Variants in TFEC observed in about 807,000 individuals in gnomAD.
TFEC encodes transcription factor EC.
Under a neutral mutation model 41.6 loss-of-function variants are expected in TFEC, and 31 were observed. The observed-to-expected ratio is 0.74, with a 90% CI of 0.56 to 1.01. The LOEUF (loss-of-function observed/expected upper bound fraction) is 1.01, where lower values mean the gene tolerates loss of function less well. Among genes scored for constraint, TFEC ranks in the 50% least tolerant of loss-of-function variants. TFEC has a pLI of 0.00. For synonymous variants in TFEC, 143 were observed against 140.6 expected (o/e 1.02, Z -0.12); for missense variants, 402 against 404.1 (o/e 0.99, Z 0.04).
At chr7:116,138,769 C>T (rs1346107689) in intron 1 of TFEC, among the ~76,000 whole-genome samples, 1 of 152,136 alleles carries the variant, frequency 6.6e-6, no homozygotes, top group Non-Finnish European at 1.5e-5. Context: ...ATAACATTTA[C>T]ACAAAATAGT....
chr7:116,047,950 A>G (rs1309491369), intron 3 of TFEC, among the ~76,000 whole-genome samples: 2 of 152,240 alleles, frequency 1.3e-5, no homozygotes, highest in Non-Finnish European at 2.9e-5. Flanking sequence ...AATAACAAAC[A>G]GAAAGGACAT....
intron 3 of TFEC, among the ~76,000 whole-genome samples, chr7:116,096,743 A>G (rs939686445): frequency 1.1e-4 from 17 of 152,192 alleles, no homozygotes; most frequent in Non-Finnish European, 2.1e-4. Flanking sequence ...AAATATTACA[A>G]TGCCTTCTGA....
intron 1 of TFEC, among the ~76,000 whole-genome samples, chr7:116,025,842 T>C (rs1321750072): frequency 6.6e-6 from 1 of 152,212 alleles, no homozygotes; most frequent in Non-Finnish European, 1.5e-5. Context: ...AAGTACATTC[T>C]ACCATCTTTT....
At chr7:116,093,756 GTGTA>G (rs1332187550) in intron 3 of TFEC, among the ~76,000 whole-genome samples, 2 of 152,118 alleles carry the variant, frequency 1.3e-5, no homozygotes, top group African/African-American at 4.8e-5. Context: ...CAAGATCAAA[GTGTA>G]TGTTAGGAAA....
chr7:115,956,890 T>A, intron 3 of TFEC, 97 bp from the exon 4 acceptor site: 1 of 678,856 alleles, frequency 1.5e-6, no homozygotes, highest in Non-Finnish European at 2.1e-6. Flanking sequence ...AAATGTGGCA[T>A]TTTGTTAATA....
At chr7:115,981,278 T>A (rs1793618690) in intron 2 of TFEC, among the ~76,000 whole-genome samples, 1 of 152,126 alleles carries the variant, frequency 6.6e-6, no homozygotes, top group Non-Finnish European at 1.5e-5. Context: ...GATGTATATG[T>A]CTTTCAACAC....
Position 115,940,571 on chromosome 7 carries a change from C to T in TFEC, c.1024G>A (p.Asp342Asn). 1.2e-6 allele frequency: 2 copies of T among 1,611,668 alleles called. No homozygotes were observed. Among genetic ancestry groups the T allele is most frequent in the Non-Finnish European group, 1.7e-6 (2 of 1,178,682 alleles). ...ESSRRSSFSS[D>N]DGDEL ...ATTTCTTATAATTCATCACCATCAT[C>T]TGAGCTAAAGCTACTTCTCCTACTG... is the stretch of plus-strand genomic sequence containing the variant. The change falls in exon 8 of 8, where the codon GAT (aspartate) becomes AAT (asparagine). Residue 342 changes from aspartate to asparagine, a missense_variant. Transcript: ENST00000265440.
chr7:115,943,310 T>C (rs1002724310), intron 6 of TFEC, among the ~76,000 whole-genome samples: 5 of 151,894 alleles, frequency 3.3e-5, no homozygotes, highest in Non-Finnish European at 7.4e-5. Flanking sequence ...TATCTGTAAC[T>C]GAAACATGTA....
chr7:115,953,177 T>TG (rs1192201921), intron 5 of TFEC, among the ~76,000 whole-genome samples: 1 of 151,918 alleles, frequency 6.6e-6, no homozygotes, highest in African/African-American at 2.4e-5. Context: ...GAAAGAACAG[T>TG]GGGGGGCTGC....
intron 3 of TFEC, among the ~76,000 whole-genome samples, chr7:116,073,930 T>C (rs111390984): frequency 4.1e-4 from 63 of 151,996 alleles, no homozygotes; most frequent in African/African-American, 1.5e-3. Context: ...TTATGGTCAA[T>C]TGACTTTCAG....
At chr7:116,026,240 C>A (rs188366620) in intron 1 of TFEC, among the ~76,000 whole-genome samples, 1 of 152,228 alleles carries the variant, frequency 6.6e-6, no homozygotes, top group Non-Finnish European at 1.5e-5. Context: ...TCTGCACATG[C>A]TAGTCTTTCG....
chr7:115,954,914 G>T (rs1792142142), intron 4 of TFEC, among the ~76,000 whole-genome samples: 1 of 151,956 alleles, frequency 6.6e-6, no homozygotes, highest in Non-Finnish European at 1.5e-5. Context: ...ACTTCTCTGT[G>T]TTTCAGGCTC....
chr7:116,010,540 G>A (rs1296886682), intron 1 of TFEC, among the ~76,000 whole-genome samples: 2 of 152,096 alleles, frequency 1.3e-5, no homozygotes, highest in African/African-American at 4.8e-5. Context: ...ATGTCCAGGA[G>A]GGGAAATGAA....
chr7:115,946,742 C>G (rs1442936047), intron 6 of TFEC, among the ~76,000 whole-genome samples: 1 of 148,034 alleles, frequency 6.8e-6, no homozygotes, highest in Non-Finnish European at 1.5e-5. Flanking sequence ...TCGGATCACA[C>G]CCAGGTTGAT....
At chr7:116,106,104 G>A (rs1432249995) in intron 3 of TFEC, among the ~76,000 whole-genome samples, 1 of 151,968 alleles carries the variant, frequency 6.6e-6, no homozygotes, top group Admixed American at 6.6e-5. Context: ...ATTCAACACA[G>A]GGCTGACATA....
At chr7:116,048,166 T>C (rs950884655) in intron 3 of TFEC, among the ~76,000 whole-genome samples, 2 of 152,138 alleles carry the variant, frequency 1.3e-5, no homozygotes, top group African/African-American at 4.8e-5. Flanking sequence ...AGACAATTGG[T>C]AATAATAAAC....
upstream of TFEC, among the ~76,000 whole-genome samples, chr7:116,032,039 T>C (rs1250741845): frequency 1.3e-5 from 2 of 152,154 alleles, no homozygotes; most frequent in African/African-American, 4.8e-5. Context: ...TGATACAACA[T>C]GTTTAACATA....
chr7:116,136,558 T>C (rs939297266), intron 1 of TFEC, among the ~76,000 whole-genome samples: 1 of 151,922 alleles, frequency 6.6e-6, no homozygotes, highest in Non-Finnish European at 1.5e-5. Context: ...AAGTTAATAA[T>C]GTAAACATTT....
rs866842011 is a variant in TFEC, at chr7:115,943,534, G to C, written c.516-1494C>G. 1.3e-5 allele frequency among the ~76,000 whole-genome samples: 2 copies of C among 149,598 alleles called. 1 individual carries two copies. The highest frequency in any genetic ancestry group is 3.0e-5 in the Non-Finnish European group (2 of 67,274). On this transcript the variant is annotated intron_variant, in intron 6 of 7. Coordinates refer to ENST00000265440, the MANE Select transcript of TFEC (RefSeq NM_012252.4). Reference sequence around the variant, plus strand: ...CACACAATGAGCCTCCCTTCAATTTGTACCTGATGTCACTTACAATAATTT... The same window carrying C: ...CACACAATGAGCCTCCCTTCAATTTCTACCTGATGTCACTTACAATAATTT...
Sources: gnomAD v4.1 joint callset for allele counts (sites outside exome capture counted in the v4.1 genomes callset) on GRCh38, gnomAD v4.1.1 for gene constraint, MANE v1.5 for transcripts, NCBI Gene and HGNC (gene_info 2026-07-23, HGNC 2026-07-21) for gene names.